The following PEAK1 variants were observed in gnomAD, a reference collection of about 807,000 sequenced individuals.
PEAK1 encodes pseudopodium enriched atypical kinase 1.
Under a neutral mutation model 124.7 loss-of-function variants are expected in PEAK1, and 54 were observed. The ratio of observed to expected loss-of-function variants is 0.43; its 90% CI spans 0.35 to 0.54. The LOEUF is 0.54. Among genes scored for constraint, PEAK1 ranks in the 20% least tolerant of loss-of-function variants. The pLI is 0.01. For missense variants in PEAK1, 2,046 were observed against 2,134.5 expected (o/e 0.96, Z 0.82); for synonymous variants, 719 against 760.0 (o/e 0.95, Z 0.89).
intron 1 of PEAK1, among the ~76,000 whole-genome samples, chr15:77,405,106 A>C (rs1190927327): frequency 6.6e-6 from 1 of 151,952 alleles, no homozygotes; most frequent in Non-Finnish European, 1.5e-5. Flanking sequence ...CCCGGGTTCA[A>C]GCGATTCCCC....
chr15:77,353,925 T>G (rs538701743), intron 2 of PEAK1, among the ~76,000 whole-genome samples: 2 of 152,338 alleles, frequency 1.3e-5, no homozygotes, highest in South Asian at 2.1e-4. Context: ...GTGAAATCCT[T>G]TGTTACATTT....
At chr15:77,261,343 G>C (rs576263808) in intron 5 of PEAK1, among the ~76,000 whole-genome samples, 29 of 152,188 alleles carry the variant, frequency 1.9e-4, no homozygotes, top group African/African-American at 6.0e-4. Context: ...GAGGAAGTTC[G>C]AACCCATGGC....
chr15:77,192,614 A>G (rs12912053), intron 6 of PEAK1, among the ~76,000 whole-genome samples: 12,848 of 152,264 alleles, frequency 0.084, 623 homozygotes, highest in Non-Finnish European at 0.1. Flanking sequence ...TCCCAGTGGA[A>G]AGTGAGAGGT....
intron 7 of PEAK1, 44 bp downstream of exon 7, chr15:77,178,746 A>C (rs1170538929): frequency 6.4e-7 from 1 of 1,562,876 alleles, no homozygotes; most frequent in Non-Finnish European, 8.7e-7. Flanking sequence ...GCACCTGAAA[A>C]TGTGTTAAAA....
Position 77,109,234 on chromosome 15 carries a change from G to A in PEAK1, c.*4922C>T, listed in dbSNP as rs758270492. 3 of 152,164 alleles carry A rather than the reference G, an allele frequency of 2.0e-5. No individual in the cohort carries two copies. The highest frequency in any genetic ancestry group is 2.9e-5 in the Non-Finnish European group (2 of 68,034). 9.4% of individuals were successfully genotyped at this position (152,164 alleles called of 1,614,324 possible). ...TTCTCAAGCTGAGGTTTGGGCAATA[G>A]CCACAGTCATGTCAAGGGGACATGG... On this transcript the variant is annotated 3_prime_UTR_variant, in exon 10 of 10. Coordinates refer to ENST00000682557, the MANE Select transcript of PEAK1 (RefSeq NM_001385026.1).
chr15:77,226,393 T>C (rs1418602066), intron 6 of PEAK1, among the ~76,000 whole-genome samples: 3 of 151,868 alleles, frequency 2.0e-5, no homozygotes, highest in African/African-American at 4.8e-5. Flanking sequence ...CAAAAATCCA[T>C]TGTTCTATGG....
chr15:77,311,319 G>A (rs2064425554), intron 2 of PEAK1, among the ~76,000 whole-genome samples: 1 of 152,156 alleles, frequency 6.6e-6, no homozygotes, highest in South Asian at 2.1e-4. Flanking sequence ...AGGTCTAAAA[G>A]GCATTGGGAG....
At chr15:77,102,737 T>A (rs1366469661) in exon 7 of PEAK1, 2 of 152,216 alleles carry the variant, frequency 1.3e-5, no homozygotes, top group Non-Finnish European at 2.9e-5. Flanking sequence ...ATTACATTGA[T>A]CTGTTTTTTC....
intron 8 of PEAK1, among the ~76,000 whole-genome samples, chr15:77,152,214 A>C (rs1046645331): frequency 1.3e-5 from 2 of 152,034 alleles, no homozygotes; most frequent in African/African-American, 2.4e-5. Flanking sequence ...ATCCCTTGTA[A>C]GTTGGATTCC....
At chr15:77,279,850 A>T (rs1471092270) in intron 5 of PEAK1, among the ~76,000 whole-genome samples, 1 of 152,210 alleles carries the variant, frequency 6.6e-6, no homozygotes, top group African/African-American at 2.4e-5. Context: ...AGGAAAAAAA[A>T]TTCCATTTAT....
intron 5 of PEAK1, among the ~76,000 whole-genome samples, chr15:77,276,022 C>T (rs1461567850): frequency 6.6e-6 from 1 of 151,758 alleles, no homozygotes; most frequent in Non-Finnish European, 1.5e-5. Context: ...AATCAATGTA[C>T]TAAAAATAAA....
chr15:77,351,434 T>C (rs1339691684), intron 2 of PEAK1, among the ~76,000 whole-genome samples: 1 of 152,108 alleles, frequency 6.6e-6, no homozygotes, highest in Admixed American at 6.5e-5. Context: ...ATAAAGCCAA[T>C]TTACACTTCA....
chr15:77,178,748 G>A (rs770217552), intron 7 of PEAK1, 42 bp downstream of exon 7: 3 of 1,565,762 alleles, frequency 1.9e-6, no homozygotes, highest in South Asian at 1.2e-5. Context: ...ACCTGAAAAT[G>A]TGTTAAAAAA....
intron 2 of PEAK1, among the ~76,000 whole-genome samples, chr15:77,323,581 G>T (rs1035616598): frequency 6.6e-6 from 1 of 152,170 alleles, no homozygotes; most frequent in Non-Finnish European, 1.5e-5. Flanking sequence ...TACAAGGGAC[G>T]TGAAGGACCT....
At chr15:77,297,757 C>CAA (rs370114659) in intron 2 of PEAK1, among the ~76,000 whole-genome samples, 26,048 of 85,074 alleles carry the variant, frequency 0.31, 4,401 homozygotes, top group Non-Finnish European at 0.39. Context: ...GATTTTGCCT[C>CAA]AAAAAAAAAA....
chr15:77,297,098 T>C (rs1040335846), intron 2 of PEAK1, among the ~76,000 whole-genome samples: 2 of 151,870 alleles, frequency 1.3e-5, no homozygotes, highest in Admixed American at 6.5e-5. Flanking sequence ...GGATATCAAA[T>C]TGAATTTGCA....
At chr15:77,321,222 G>A (rs2065194249) in intron 2 of PEAK1, among the ~76,000 whole-genome samples, 1 of 152,192 alleles carries the variant, frequency 6.6e-6, no homozygotes. Context: ...CTAGAGCCCT[G>A]AGGCATCGCC....
chr15:77,263,996 C>A (rs1055989509), intron 5 of PEAK1, among the ~76,000 whole-genome samples: 17 of 151,962 alleles, frequency 1.1e-4, no homozygotes, highest in East Asian at 1.9e-4. Context: ...ACAGAACCAA[C>A]GACAAAAACC....
At chr15:77,416,661 A>C (rs1014192693) in intron 1 of PEAK1, among the ~76,000 whole-genome samples, 50 of 152,146 alleles carry the variant, frequency 3.3e-4, no homozygotes, top group Admixed American at 2.9e-3. Context: ...CCTGTTCTAA[A>C]GCTGTGCTGC....
Sources: gnomAD v4.1 joint callset for allele counts (sites outside exome capture counted in the v4.1 genomes callset) on GRCh38, gnomAD v4.1.1 for gene constraint, MANE v1.5 for transcripts, NCBI Gene and HGNC (gene_info 2026-07-23, HGNC 2026-07-21) for gene names.